The following CGRRF1 variants were observed in gnomAD, a reference collection of about 807,000 sequenced individuals.
The protein encoded by CGRRF1 is cell growth regulator with ring finger domain 1.
In CGRRF1, 32 loss-of-function variants were observed where a neutral mutation model predicts 37.2. The ratio of observed to expected loss-of-function variants is 0.86; its 90% confidence interval spans 0.65 to 1.16. The LOEUF is 1.16. Among genes scored for constraint, CGRRF1 ranks in the 50% most tolerant of loss-of-function variants. The pLI, the probability that CGRRF1 is intolerant of heterozygous loss-of-function variation, is 0.00. For missense variants in CGRRF1, 391 were observed against 382.6 expected, an observed-to-expected ratio of 1.02 and a Z score of -0.18; for synonymous variants, 141 against 140.3, an observed-to-expected ratio of 1.00 and a Z score of -0.04.
At chr14:54,516,507 T>C (rs1263646503) in intron 1 of CGRRF1, among the ~76,000 whole-genome samples, 2 of 152,192 alleles carry the variant, frequency 1.3e-5, no homozygotes, top group Non-Finnish European at 2.9e-5. Context: ...CTGACATTCT[T>C]ATCTTTGTTC....
intron 2 of CGRRF1, 52 bp from the exon 3 acceptor site, chr14:54,529,997 T>C (rs1454745173): frequency 2.1e-6 from 3 of 1,442,736 alleles, no homozygotes; most frequent in East Asian, 4.6e-5. Context: ...TGTATGATTG[T>C]ATTAGAAGTT....
rs572213422 is a variant in CGRRF1, at chr14:54,511,230, C to G, written c.104+1167C>G. Among the ~76,000 whole-genome samples the G allele has an allele frequency of 2.6e-5, 4 of 152,292 alleles. No homozygotes were observed. The East Asian group carries it at 7.7e-4, about 29-fold the overall frequency. On this transcript the variant is annotated intron_variant, in intron 1 of 5. Coordinates refer to ENST00000216420, the MANE Select transcript of CGRRF1 (RefSeq NM_006568.3). ...TTTAGGAAGTGACAAAAGTTTTAACCTGTCCACACTGCTCCTCACCCTACC... is the reference window on the plus strand; with the variant it reads ...TTTAGGAAGTGACAAAAGTTTTAACGTGTCCACACTGCTCCTCACCCTACC...
intron 2 of CGRRF1, among the ~76,000 whole-genome samples, chr14:54,527,716 C>G (rs1257983443): frequency 2.0e-5 from 3 of 150,418 alleles, no homozygotes; most frequent in Non-Finnish European, 3.0e-5. Context: ...GTTCTGTAAG[C>G]TGTAAGTTGA....
intron 1 of CGRRF1, among the ~76,000 whole-genome samples, chr14:54,511,260 A>G (rs966904542): frequency 1.1e-4 from 16 of 152,248 alleles, no homozygotes; most frequent in African/African-American, 3.6e-4. Flanking sequence ...CCTACCAGCA[A>G]TAGAGCATAG....
chr14:54,531,177 A>G (rs867084735), intron 4 of CGRRF1, 127 bp downstream of exon 4: 6 of 734,380 alleles, frequency 8.2e-6, no homozygotes, highest in Non-Finnish European at 6.6e-6. Context: ...CAACAACTAT[A>G]TACCTATTTG....
intron 4 of CGRRF1, among the ~76,000 whole-genome samples, chr14:54,532,861 C>G (rs1057140348): frequency 2.0e-5 from 3 of 152,026 alleles, no homozygotes; most frequent in Non-Finnish European, 2.9e-5. Context: ...ATAAATAAAA[C>G]CTGTTAAATT....
chr14:54,533,254 C>G (rs1050181051), intron 4 of CGRRF1, among the ~76,000 whole-genome samples: 3 of 152,100 alleles, frequency 2.0e-5, no homozygotes, highest in African/African-American at 7.2e-5. Context: ...AGAGTTTGCT[C>G]TCAGGTCCCT....
chr14:54,521,430 C>T (rs1408479506), intron 1 of CGRRF1, among the ~76,000 whole-genome samples: 1 of 151,354 alleles, frequency 6.6e-6, no homozygotes, highest in Non-Finnish European at 1.5e-5. Flanking sequence ...CATTGCACTC[C>T]AGCCTGGGCA....
chr14:54,522,555 G>T lies in CGRRF1; in HGVS notation c.206G>T (p.Gly69Val). 6.2e-7 allele frequency: 1 copy of T among 1,601,672 alleles called. No homozygotes were observed. The highest frequency in any genetic ancestry group is 1.1e-5 in the South Asian group (1 of 88,442). The stretch of plus-strand genomic sequence containing the variant: ...ATGAGACAAGTCAAGAATCCTTTTG[G>T]CTTAGAGATCACTAATCCATCTTCA... ...KQMRQVKNPF[G>V]LEITNPSSAS... Residue 69 changes from glycine to valine, a missense_variant, in exon 2 of 6, where the codon GGC (glycine) becomes GTC (valine). Physicochemically the swap from Gly to Val is moderately radical, Grantham distance 109 (BLOSUM62 -3). Coordinates refer to ENST00000216420, the MANE Select transcript of CGRRF1 (RefSeq NM_006568.3).
At chr14:54,515,157 C>T (rs1328135590) in intron 1 of CGRRF1, among the ~76,000 whole-genome samples, 37 of 144,868 alleles carry the variant, frequency 2.6e-4, no homozygotes, top group Admixed American at 2.0e-3. Context: ...GGTATGATCT[C>T]GGCTCACTGC....
At chr14:54,521,219 G>C (rs1000008891) in intron 1 of CGRRF1, among the ~76,000 whole-genome samples, 1 of 152,094 alleles carries the variant, frequency 6.6e-6, no homozygotes, top group Non-Finnish European at 1.5e-5. Context: ...CCAGCACTTT[G>C]GGAGGCTGAG....
At chr14:54,513,618 A>AATGTT (rs1194908641) in intron 1 of CGRRF1, among the ~76,000 whole-genome samples, 101 of 59,544 alleles carry the variant, frequency 1.7e-3, no homozygotes, top group African/African-American at 4.8e-3. Flanking sequence ...TATGTTATGT[A>AATGTT]ATGTTATGTT....
chr14:54,513,558 GAC>G (rs2032163638), intron 1 of CGRRF1, among the ~76,000 whole-genome samples: 2 of 148,404 alleles, frequency 1.3e-5, no homozygotes, highest in East Asian at 2.1e-4. Flanking sequence ...CTAAAAATTG[GAC>G]ACAGTTTTAT....
Position 54,530,034 on chromosome 14 carries a change from CTTTG to C in CGRRF1, c.245-11_245-8del, listed in dbSNP as rs779896573. On this transcript the variant is annotated splice_polypyrimidine_tract_variant and intron_variant, in intron 2 of 5. Transcript: ENST00000216420. ...CATTAAATCACTTTCATTCTTTCTC[CTTTG>C]TTTTTTACAGCTGGCATAACCTTGA... is the stretch of plus-strand genomic sequence containing the variant. 6 of 1,592,480 alleles carry C rather than the reference CTTTG, an allele frequency of 3.8e-6. No individual in the cohort carries two copies. The African/African-American group carries it at 5.4e-5, about 14-fold the overall frequency.
At chr14:54,533,078 C>G (rs2032542790) in intron 4 of CGRRF1, among the ~76,000 whole-genome samples, 1 of 151,814 alleles carries the variant, frequency 6.6e-6, no homozygotes, top group South Asian at 2.1e-4. Flanking sequence ...TGATAGTGCT[C>G]TCTAGGTGCT....
At chr14:54,512,416 A>G (rs2140052472) in intron 1 of CGRRF1, among the ~76,000 whole-genome samples, 1 of 152,358 alleles carries the variant, frequency 6.6e-6, no homozygotes, top group Admixed American at 6.5e-5. Flanking sequence ...ACTGAGCACA[A>G]AGAAGCCCAA....
In CGRRF1 at chr14:54,522,434, T is replaced by A; in HGVS notation, c.105-20T>A. The A allele has an allele frequency of 6.8e-7, 1 of 1,476,952 alleles. No homozygotes were observed. The highest frequency in any genetic ancestry group is 9.0e-7 in the Non-Finnish European group (1 of 1,106,258). 91.5% of individuals were successfully genotyped at this position (1,476,952 alleles called of 1,614,324 possible). ...TTCAACATTTGTTAAAATAATATTT[T>A]ATTTTTTACCTTTTTTTAGGTTTGG... On this transcript the variant is annotated intron_variant, in intron 1 of 5. Transcript: ENST00000216420.
At chr14:54,524,246 T>C (rs1025386139) in intron 2 of CGRRF1, among the ~76,000 whole-genome samples, 1 of 152,178 alleles carries the variant, frequency 6.6e-6, no homozygotes, top group African/African-American at 2.4e-5. Flanking sequence ...TCCTGCTCCC[T>C]TGCGTCTATG....
chr14:54,536,433 G>A (rs529472848), intron 4 of CGRRF1: 2 of 152,234 alleles, frequency 1.3e-5, no homozygotes, highest in South Asian at 4.1e-4. Flanking sequence ...TGTTGGAATT[G>A]TATGGTTGAA....
Sources: gnomAD v4.1 joint callset for allele counts (sites outside exome capture counted in the v4.1 genomes callset) on GRCh38, gnomAD v4.1.1 for gene constraint, MANE v1.5 for transcripts, NCBI Gene and HGNC (gene_info 2026-07-23, HGNC 2026-07-21) for gene names.